The following WWOX variants were observed in gnomAD, a reference collection of about 807,000 sequenced individuals.
WWOX encodes the protein WW domain-containing oxidoreductase.
Under a neutral mutation model 46.2 loss-of-function variants are expected in WWOX, and 69 were observed. The ratio of observed to expected loss-of-function variants is 1.49; its 90% CI spans 1.23 to 1.82. WWOX has a LOEUF of 1.82. Ranked by LOEUF, WWOX falls within the 40% of genes most tolerant of loss-of-function variation. WWOX has a pLI of 0.00. For synonymous variants in WWOX, 359 were observed against 202.6 expected (o/e 1.77, Z -6.56); for missense variants, 919 against 542.6 (o/e 1.69, Z -6.89).
intron 8 of WWOX, among the ~76,000 whole-genome samples, chr16:79,170,616 T>TAAA (rs10623409): frequency 1.3e-5 from 2 of 151,574 alleles, no homozygotes; most frequent in Admixed American, 6.6e-5. Flanking sequence ...ATTTTTTACT[T>TAAA]AAACCACACA....
At chr16:78,875,354 TG>T (rs2044214229) in intron 8 of WWOX, among the ~76,000 whole-genome samples, 1 of 152,210 alleles carries the variant, frequency 6.6e-6, no homozygotes, top group South Asian at 2.1e-4. Context: ...TCTAGCTTTA[TG>T]ATGCTCCCAG....
chr16:78,944,699 C>T (rs1194884247), intron 8 of WWOX, among the ~76,000 whole-genome samples: 2 of 152,088 alleles, frequency 1.3e-5, no homozygotes, highest in African/African-American at 4.8e-5. Flanking sequence ...TCACAATATC[C>T]TGCAAAAGCC....
chr16:78,890,900 C>G (rs2044575591), intron 8 of WWOX: 1 of 152,164 alleles, frequency 6.6e-6, no homozygotes, highest in African/African-American at 2.4e-5. Context: ...CACTTAATAA[C>G]TGAATCAATC....
intron 8 of WWOX, among the ~76,000 whole-genome samples, chr16:79,178,601 G>A (rs940189824): frequency 2.0e-5 from 3 of 152,140 alleles, no homozygotes; most frequent in East Asian, 3.9e-4. Flanking sequence ...ACAGTTGAGA[G>A]CCACCACACC....
intron 8 of WWOX, among the ~76,000 whole-genome samples, chr16:79,149,953 G>T (rs940655701): frequency 6.6e-6 from 1 of 152,316 alleles, no homozygotes; most frequent in East Asian, 1.9e-4. Flanking sequence ...CTCAGATGCC[G>T]ATGACCAGTA....
intron 8 of WWOX, among the ~76,000 whole-genome samples, chr16:78,937,805 TTAAA>T (rs2045772774): frequency 1.3e-5 from 2 of 151,906 alleles, no homozygotes; most frequent in Admixed American, 1.3e-4. Context: ...TTGTTTCTTT[TTAAA>T]TAGAGGTCTG....
At chr16:79,209,541 GA>G (rs2051643027) in intron 8 of WWOX, among the ~76,000 whole-genome samples, 1 of 150,002 alleles carries the variant, frequency 6.7e-6, no homozygotes, top group African/African-American at 2.5e-5. Flanking sequence ...TGAAATGGGT[GA>G]GCTGGATTCT....
chr16:78,954,103 G>C (rs905773), intron 8 of WWOX, among the ~76,000 whole-genome samples: 95,833 of 152,094 alleles, frequency 0.63, 30,472 homozygotes, highest in African/African-American at 0.7. Flanking sequence ...TCTTTCTTTT[G>C]CTTTTTCTTT....
At chr16:79,170,436 A>T (rs9940050) in intron 8 of WWOX, among the ~76,000 whole-genome samples, 3,109 of 152,300 alleles carry the variant, frequency 0.02, 106 homozygotes, top group African/African-American at 0.071. Context: ...AGCATCCTGC[A>T]ATACAACTGT....
At chr16:78,138,472 C>T (rs534293301) in intron 4 of WWOX, among the ~76,000 whole-genome samples, 1 of 152,254 alleles carries the variant, frequency 6.6e-6, no homozygotes, top group South Asian at 2.1e-4. Flanking sequence ...TGGCACTTAT[C>T]TTTCAGTGGG....
chr16:79,045,124 T>C (rs1316305975), intron 8 of WWOX, among the ~76,000 whole-genome samples: 1 of 152,238 alleles, frequency 6.6e-6, no homozygotes, highest in Non-Finnish European at 1.5e-5. Context: ...TTCATTCATT[T>C]ATTCTTTCGT....
At chr16:78,579,241 T>A (rs55717983) in intron 8 of WWOX, among the ~76,000 whole-genome samples, 1 of 152,180 alleles carries the variant, frequency 6.6e-6, no homozygotes, top group African/African-American at 2.4e-5. Context: ...TGCTTTGTTA[T>A]TACGTCACAG....
At chr16:78,674,068 G>A (rs749110753) in intron 8 of WWOX, among the ~76,000 whole-genome samples, 6 of 152,088 alleles carry the variant, frequency 3.9e-5, no homozygotes, top group Non-Finnish European at 5.9e-5. Context: ...GACTCAAAGA[G>A]AAATTTCGCA....
At chr16:78,664,989 A>G (rs913067157) in intron 8 of WWOX, among the ~76,000 whole-genome samples, 3 of 152,210 alleles carry the variant, frequency 2.0e-5, no homozygotes, top group African/African-American at 7.2e-5. Flanking sequence ...TTGCTTAATG[A>G]AAGAACTGAC....
At chr16:78,765,008 AG>A (rs2142500894) in intron 8 of WWOX, among the ~76,000 whole-genome samples, 1 of 152,326 alleles carries the variant, frequency 6.6e-6, no homozygotes, top group South Asian at 2.1e-4. Flanking sequence ...GGATGCAGGA[AG>A]GAACAGGACA....
chr16:78,897,443 C>A (rs2044729951), intron 8 of WWOX: 1 of 151,934 alleles, frequency 6.6e-6, no homozygotes, highest in Non-Finnish European at 1.5e-5. Flanking sequence ...TATGTGTCGT[C>A]TTCTGCTTAA....
At chr16:78,842,810 C>G (rs1393808470) in intron 8 of WWOX, among the ~76,000 whole-genome samples, 1 of 133,010 alleles carries the variant, frequency 7.5e-6, no homozygotes, top group Non-Finnish European at 1.8e-5. Context: ...CAAGATCACG[C>G]CACTGCACAC....
intron 8 of WWOX, among the ~76,000 whole-genome samples, chr16:79,007,653 G>A (rs2047216517): frequency 6.6e-6 from 1 of 152,192 alleles, no homozygotes; most frequent in Non-Finnish European, 1.5e-5. Context: ...TCACTGCAGA[G>A]TTATAAGGAA....
chr16:78,598,824 T>A (rs906800354), intron 8 of WWOX, among the ~76,000 whole-genome samples: 1 of 152,158 alleles, frequency 6.6e-6, no homozygotes, highest in East Asian at 1.9e-4. Flanking sequence ...TCTGGCCTCT[T>A]CATTGTCCCC....
Sources: gnomAD v4.1 joint callset for allele counts (sites outside exome capture counted in the v4.1 genomes callset) on GRCh38, gnomAD v4.1.1 for gene constraint, MANE v1.5 for transcripts, NCBI Gene and HGNC (gene_info 2026-07-23, HGNC 2026-07-21) for gene names.